DLG2: variants seen among roughly 807,000 people sequenced by gnomAD.
The protein encoded by DLG2 is discs large MAGUK scaffold protein 2, also known as disks large homolog 2.
A neutral mutation model predicts 132.5 loss-of-function variants in DLG2; 45 were observed. That is an observed-to-expected ratio of 0.34 (90% CI 0.27 to 0.44). DLG2 has a LOEUF of 0.44. Among genes scored for constraint, DLG2 ranks in the 20% least tolerant of loss-of-function variants. The pLI is 1.00. For synonymous variants in DLG2, 424 were observed against 419.6 expected (o/e 1.01, Z -0.13); for missense variants, 1,045 against 1,196.9 (o/e 0.87, Z 1.87).
rs138989694 is a variant in DLG2, at chr11:84,715,741, T to G, written c.358-181010A>C. Reference sequence around the variant, plus strand: ...TTGGATAATATTCTAATTTATAGAATAGATATAAATGTATCTCTATAAAAT... The same window carrying G: ...TTGGATAATATTCTAATTTATAGAAGAGATATAAATGTATCTCTATAAAAT... On this transcript the variant is annotated intron_variant, in intron 6 of 27. Coordinates refer to ENST00000376104, the MANE Select transcript of DLG2 (RefSeq NM_001142699.3). Among the ~76,000 whole-genome samples the G allele has an allele frequency of 9.1e-3, 1,392 of 152,266 alleles. 11 individuals are homozygous for G. Among genetic ancestry groups the G allele is most frequent in the Middle Eastern group, 0.037 (11 of 294 alleles).
At chr11:84,546,677 G>A in intron 6 of DLG2, 1 of 529,972 alleles carries the variant, frequency 1.9e-6, no homozygotes, top group Non-Finnish European at 3.6e-6. Context: ...CAAACCCAAA[G>A]GCCCTGGAGC....
At chr11:84,194,062 G>T (rs1383766913) in intron 8 of DLG2, among the ~76,000 whole-genome samples, 1 of 152,168 alleles carries the variant, frequency 6.6e-6, no homozygotes, top group Non-Finnish European at 1.5e-5. Context: ...TATTTCACCT[G>T]CAAGGAAACG....
chr11:84,376,979 A>C (rs2098731934), intron 7 of DLG2, among the ~76,000 whole-genome samples: 1 of 152,040 alleles, frequency 6.6e-6, no homozygotes, highest in Non-Finnish European at 1.5e-5. Context: ...TGTAAAAGAT[A>C]TTATGTGAAA....
chr11:84,984,498 A>T (rs1032150387), intron 6 of DLG2, among the ~76,000 whole-genome samples: 3 of 152,164 alleles, frequency 2.0e-5, no homozygotes, highest in Non-Finnish European at 4.4e-5. Flanking sequence ...ATCTTGAAAC[A>T]AATCCTGGAA....
chr11:85,160,740 C>G (rs1165985288), intron 4 of DLG2, among the ~76,000 whole-genome samples: 1 of 152,160 alleles, frequency 6.6e-6, no homozygotes, highest in African/African-American at 2.4e-5. Flanking sequence ...TCTCCCCCAG[C>G]CTGCACCAAT....
intron 5 of DLG2, among the ~76,000 whole-genome samples, chr11:85,144,018 T>A (rs2076673331): frequency 6.6e-6 from 1 of 151,926 alleles, no homozygotes; most frequent in Non-Finnish European, 1.5e-5. Flanking sequence ...ATGCTAAAAA[T>A]GGGTTGTTGA....
At chr11:85,055,904 T>C (rs934339736) in intron 6 of DLG2, among the ~76,000 whole-genome samples, 2 of 152,096 alleles carry the variant, frequency 1.3e-5, no homozygotes, top group Admixed American at 6.6e-5. Flanking sequence ...AAAATAGAAC[T>C]TGCTCATAAA....
At chr11:84,386,803 A>G (rs2098772428) in intron 7 of DLG2, among the ~76,000 whole-genome samples, 1 of 152,058 alleles carries the variant, frequency 6.6e-6, no homozygotes, top group Admixed American at 6.6e-5. Context: ...AAATGCATCA[A>G]AATTTGTTTT....
chr11:83,574,584 G>A, intron 19 of DLG2, among the ~76,000 whole-genome samples: 1 of 152,084 alleles, frequency 6.6e-6, no homozygotes, highest in East Asian at 1.9e-4. Context: ...ATTCTGACCT[G>A]AACAAGCAGA....
rs762528558 is a variant in DLG2, at chr11:84,316,954, G to A, written c.520-65663C>T. ...AGGTCCTGTTGAAGCTGGACCCCCCGGTCCTGTTTGAAGCTGGGCCCCCTG... is the reference window on the plus strand; with the variant it reads ...AGGTCCTGTTGAAGCTGGACCCCCCAGTCCTGTTTGAAGCTGGGCCCCCTG... On this transcript the variant is annotated intron_variant, in intron 7 of 27. Coordinates refer to ENST00000376104, the MANE Select transcript of DLG2 (RefSeq NM_001142699.3). 25 of 1,612,596 alleles carry A rather than the reference G, an allele frequency of 1.6e-5. No individual in the cohort carries two copies. The East Asian group carries it at 4.7e-4, about 30-fold the overall frequency.
At chr11:84,963,908 G>C (rs1591920453) in intron 6 of DLG2, among the ~76,000 whole-genome samples, 1 of 152,110 alleles carries the variant, frequency 6.6e-6, no homozygotes, top group African/African-American at 2.4e-5. Flanking sequence ...TCTTTGTGAA[G>C]GTTACCCAGT....
chr11:85,095,110 A>G (rs559829624), intron 6 of DLG2, among the ~76,000 whole-genome samples: 15 of 152,204 alleles, frequency 9.9e-5, no homozygotes, highest in Non-Finnish European at 4.4e-5. Context: ...TCTTGATCCT[A>G]TATGGGCACA....
At chr11:84,459,099 A>G (rs1424490526) in intron 7 of DLG2, among the ~76,000 whole-genome samples, 5 of 150,564 alleles carry the variant, frequency 3.3e-5, no homozygotes, top group African/African-American at 4.8e-5. Flanking sequence ...TTTTGCTAAT[A>G]TGACATGGAT....
chr11:84,312,380 G>A (rs995550292), intron 7 of DLG2, among the ~76,000 whole-genome samples: 1 of 152,166 alleles, frequency 6.6e-6, no homozygotes, highest in Non-Finnish European at 1.5e-5. Context: ...TCAGGAGACC[G>A]AGGCAGGAGA....
At chr11:83,507,164 C>T (rs999124572) in intron 21 of DLG2, among the ~76,000 whole-genome samples, 37 of 152,210 alleles carry the variant, frequency 2.4e-4, no homozygotes, top group African/African-American at 8.4e-4. Flanking sequence ...TCAGGAATGT[C>T]AAATGCATTT....
intron 18 of DLG2, among the ~76,000 whole-genome samples, chr11:83,660,172 G>T (rs650206): frequency 0.4 from 60,300 of 152,028 alleles, 13,438 homozygotes; most frequent in African/African-American, 0.61. Context: ...CTGTGTCTCT[G>T]ATTTTTGAAA....
intron 19 of DLG2, among the ~76,000 whole-genome samples, chr11:83,611,697 G>C (rs2060135885): frequency 6.6e-6 from 1 of 152,170 alleles, no homozygotes; most frequent in South Asian, 2.1e-4. Flanking sequence ...ACCTCTAAAG[G>C]TTAATTATGT....
At chr11:84,142,243 C>G (rs2094883525) in intron 9 of DLG2, among the ~76,000 whole-genome samples, 1 of 150,248 alleles carries the variant, frequency 6.7e-6, no homozygotes, top group Non-Finnish European at 1.5e-5. Context: ...ATCATTTGAA[C>G]CCAGGAGGCG....
chr11:84,289,546 T>C (rs1475971248), intron 7 of DLG2, among the ~76,000 whole-genome samples: 2 of 152,250 alleles, frequency 1.3e-5, no homozygotes, highest in African/African-American at 2.4e-5. Context: ...GTAATTCTTT[T>C]AGGTCTAGAG....
Sources: gnomAD v4.1 joint callset for allele counts (sites outside exome capture counted in the v4.1 genomes callset) on GRCh38, gnomAD v4.1.1 for gene constraint, MANE v1.5 for transcripts, NCBI Gene and HGNC (gene_info 2026-07-23, HGNC 2026-07-21) for gene names.